The following PLCL2 variants were observed in gnomAD, a reference collection of about 807,000 sequenced individuals.
The protein encoded by PLCL2 is phospholipase C like 2.
Under a neutral mutation model 79.6 loss-of-function variants are expected in PLCL2, and 4 were observed. The ratio of observed to expected loss-of-function variants is 0.05; its 90% CI spans 0.02 to 0.11. The LOEUF (loss-of-function observed/expected upper bound fraction) is 0.11, where lower values mean the gene tolerates loss of function less well. Among genes scored for constraint, PLCL2 ranks in the 10% least tolerant of loss-of-function variants. PLCL2 has a pLI of 1.00. For missense variants in PLCL2, 895 were observed against 1,291.0 expected (o/e 0.69, Z 4.70); for synonymous variants, 484 against 457.7 (o/e 1.06, Z -0.73).
At position 16,905,910 on chromosome 3, in the gene PLCL2, C is replaced by T. The variant is rs541994180; in HGVS notation, c.327+20544C>T. 2.0e-3 allele frequency among the ~76,000 whole-genome samples: 298 copies of T among 152,270 alleles called. 3 individuals are homozygous for T. The highest frequency in any genetic ancestry group is 6.6e-4 in the Non-Finnish European group (45 of 68,018). Reference sequence around the variant, plus strand: ...GGTGTTGATGAGTGCCCATAACTCTCCAGGCCCAGCCAGGGCACCATTAAC... The same window carrying T: ...GGTGTTGATGAGTGCCCATAACTCTTCAGGCCCAGCCAGGGCACCATTAAC... On this transcript the variant is annotated intron_variant, in intron 1 of 5. Coordinates refer to ENST00000615277, the MANE Select transcript of PLCL2 (RefSeq NM_001144382.2).
intron 5 of PLCL2, among the ~76,000 whole-genome samples, chr3:17,072,929 A>G (rs2065074460): frequency 6.6e-6 from 1 of 152,154 alleles, no homozygotes; most frequent in Non-Finnish European, 1.5e-5. Context: ...TTCTTAAGAT[A>G]TTGGACCCAG....
rs1394973615 is a variant in PLCL2 at position 17,081,833 on chromosome 3, T to C, written c.3205-7900T>C. The stretch of plus-strand genomic sequence containing the variant: ...CAGCCACTGCCCTTAGTTACATCTT[T>C]TAAAGATTACTTTCTGGGCCTAAGT... On this transcript the variant is annotated intron_variant, in intron 5 of 5. Coordinates refer to ENST00000615277, the MANE Select transcript of PLCL2 (RefSeq NM_001144382.2). Among the ~76,000 whole-genome samples the C allele has an allele frequency of 2.0e-5, 3 of 152,338 alleles. No individual in the cohort carries two copies. The East Asian group carries it at 5.8e-4, about 29-fold the overall frequency.
At chr3:16,957,696 T>A (rs1054846982) in intron 1 of PLCL2, among the ~76,000 whole-genome samples, 3 of 152,224 alleles carry the variant, frequency 2.0e-5, no homozygotes, top group African/African-American at 7.2e-5. Flanking sequence ...GGACTTGCTT[T>A]ATGAATCTGG....
At chr3:16,945,863 G>A (rs1196104966) in intron 1 of PLCL2, among the ~76,000 whole-genome samples, 3 of 152,142 alleles carry the variant, frequency 2.0e-5, no homozygotes, top group African/African-American at 4.8e-5. Flanking sequence ...TTTACCCATC[G>A]CTTCCTTTTA....
chr3:16,950,968 T>C (rs2063645966), intron 1 of PLCL2, among the ~76,000 whole-genome samples: 1 of 152,126 alleles, frequency 6.6e-6, no homozygotes, highest in Non-Finnish European at 1.5e-5. Context: ...TTTTTTTGTT[T>C]TGTCATTGTC....
chr3:17,069,578 T>C (rs570044070), intron 5 of PLCL2, among the ~76,000 whole-genome samples: 17 of 152,300 alleles, frequency 1.1e-4, no homozygotes, highest in Admixed American at 7.8e-4. Flanking sequence ...AAGTGTCATC[T>C]TTTGGGGTAT....
At chr3:16,968,533 T>C (rs1354874740) in intron 1 of PLCL2, among the ~76,000 whole-genome samples, 2 of 152,150 alleles carry the variant, frequency 1.3e-5, no homozygotes, top group African/African-American at 4.8e-5. Context: ...TTTGTGGCTA[T>C]TGTGAATAGG....
Position 17,090,323 on chromosome 3 carries a change from A to G in PLCL2, c.*411A>G. The G allele has an allele frequency of 1.1e-6, 1 of 903,328 alleles. No homozygotes were observed. Among genetic ancestry groups the G allele is most frequent in the Non-Finnish European group, 1.3e-6 (1 of 754,796 alleles). 56.0% of individuals were successfully genotyped at this position (903,328 alleles called of 1,614,324 possible). On this transcript the variant is annotated 3_prime_UTR_variant, in exon 6 of 6. Coordinates refer to ENST00000615277, the MANE Select transcript of PLCL2 (RefSeq NM_001144382.2). Reference sequence around the variant, plus strand: ...ACATTTTTACTTATATGGGGTTGCCAGAGTCTCTGGGTTCTAGATGATTTT... The same window carrying G: ...ACATTTTTACTTATATGGGGTTGCCGGAGTCTCTGGGTTCTAGATGATTTT...
At chr3:16,900,036 G>C (rs569982372) in intron 1 of PLCL2, among the ~76,000 whole-genome samples, 1 of 152,188 alleles carries the variant, frequency 6.6e-6, no homozygotes, top group South Asian at 2.1e-4. Context: ...GTAACTGCAG[G>C]CCCAGTCCAT....
chr3:17,015,635 A>C (rs570577066), intron 3 of PLCL2, among the ~76,000 whole-genome samples: 84 of 152,018 alleles, frequency 5.5e-4, no homozygotes, highest in African/African-American at 1.7e-3. Flanking sequence ...TTGGTGTTGG[A>C]CACTCCCCTC....
intron 1 of PLCL2, among the ~76,000 whole-genome samples, chr3:16,937,746 G>A (rs1469255222): frequency 2.6e-5 from 4 of 152,112 alleles, no homozygotes; most frequent in East Asian, 1.9e-4. Context: ...TGTTTTCCTC[G>A]CATATGGTTG....
At chr3:17,078,488 G>A (rs1055612344) in intron 5 of PLCL2, among the ~76,000 whole-genome samples, 2 of 151,826 alleles carry the variant, frequency 1.3e-5, no homozygotes, top group Non-Finnish European at 2.9e-5. Context: ...ATCGTATCTT[G>A]GACTTGAATT....
chr3:16,936,908 A>G (rs1697553267), intron 1 of PLCL2, among the ~76,000 whole-genome samples: 2 of 152,066 alleles, frequency 1.3e-5, no homozygotes, highest in Admixed American at 1.3e-4. Flanking sequence ...TTATCTTTAT[A>G]GTCCAGGATT....
chr3:16,953,010 T>G (rs1391947083), intron 1 of PLCL2, among the ~76,000 whole-genome samples: 1 of 152,074 alleles, frequency 6.6e-6, no homozygotes, highest in Non-Finnish European at 1.5e-5. Flanking sequence ...CAGAAAAATT[T>G]AAAAAATGTA....
intron 3 of PLCL2, among the ~76,000 whole-genome samples, chr3:17,028,728 T>G (rs1322983762): frequency 6.6e-6 from 1 of 151,924 alleles, no homozygotes; most frequent in Non-Finnish European, 1.5e-5. Flanking sequence ...AACAATCCAC[T>G]CACCTCAGCC....
chr3:16,945,906 T>C (rs1575544728), intron 1 of PLCL2, among the ~76,000 whole-genome samples: 2 of 152,350 alleles, frequency 1.3e-5, no homozygotes, highest in East Asian at 3.9e-4. Flanking sequence ...CCTCTCTACC[T>C]TTCCCTCTTT....
intron 3 of PLCL2, among the ~76,000 whole-genome samples, chr3:17,025,730 C>T (rs2064511100): frequency 6.6e-6 from 1 of 152,120 alleles, no homozygotes; most frequent in African/African-American, 2.4e-5. Flanking sequence ...TTCTTCACAA[C>T]CTTCTGAATA....
intron 1 of PLCL2, among the ~76,000 whole-genome samples, chr3:16,919,030 G>A (rs1303968607): frequency 6.6e-6 from 1 of 152,106 alleles, no homozygotes; most frequent in Non-Finnish European, 1.5e-5. Flanking sequence ...CTTAAACTTA[G>A]AGCAGTTGTT....
intron 4 of PLCL2, among the ~76,000 whole-genome samples, chr3:17,059,598 A>G (rs749553966): frequency 1.3e-5 from 2 of 152,046 alleles, no homozygotes; most frequent in Non-Finnish European, 2.9e-5. Context: ...ATAGATATAG[A>G]TAGTTGTAAA....
Sources: allele counts gnomAD v4.1 joint callset (sites outside exome capture counted in the v4.1 genomes callset), GRCh38; gene constraint gnomAD v4.1.1; transcripts MANE v1.5; gene names NCBI Gene and HGNC (gene_info 2026-07-23, HGNC 2026-07-21).